Variants in CACNA1C observed in about 807,000 individuals in gnomAD.
The protein encoded by CACNA1C is calcium voltage-gated channel subunit alpha1 C.
Under a neutral mutation model 229.0 loss-of-function variants are expected in CACNA1C, and 30 were observed. That is an observed-to-expected ratio of 0.13 (90% CI 0.10 to 0.18). The LOEUF is 0.18. CACNA1C is among the 10% of genes least tolerant of loss of function. The pLI is 1.00. For missense variants in CACNA1C, 1,658 were observed against 2,845.0 expected (o/e 0.58, Z 9.49); for synonymous variants, 1,114 against 1,132.5 (o/e 0.98, Z 0.33).
chr12:2,178,471 A>G (rs1326073995), intron 3 of CACNA1C, among the ~76,000 whole-genome samples: 1 of 152,218 alleles, frequency 6.6e-6, no homozygotes, highest in Non-Finnish European at 1.5e-5. Context: ...AAGGCTTGCT[A>G]CAGGATCTGA....
At chr12:2,301,446 A>G (rs1389851302) in intron 3 of CACNA1C, among the ~76,000 whole-genome samples, 1 of 152,166 alleles carries the variant, frequency 6.6e-6, no homozygotes, top group Non-Finnish European at 1.5e-5. Flanking sequence ...CTGATCCGTG[A>G]TTTGCCCCGG....
rs1207579677 is a variant in CACNA1C, at chr12:2,575,485, A to G, written c.1896-6105A>G. Reference sequence around the variant, plus strand: ...ACCCCCTCCTGTGCTCACTTGCTGGATGGATTCTACCTGCTTCCCCAGGTG... The same window carrying G: ...ACCCCCTCCTGTGCTCACTTGCTGGGTGGATTCTACCTGCTTCCCCAGGTG... On this transcript the variant is annotated intron_variant, in intron 13 of 46. Transcript: ENST00000399655. The surrounding 1 kb of genome is among the most constrained non-coding windows in gnomAD (Gnocchi z 4.0). 1.3e-5 allele frequency among the ~76,000 whole-genome samples: 2 copies of G among 152,106 alleles called. No individual in the cohort carries two copies.
intron 39 of CACNA1C, chr12:2,676,425 C>G (rs1203950237): frequency 1.3e-5 from 2 of 152,298 alleles, no homozygotes; most frequent in Non-Finnish European, 2.9e-5. Flanking sequence ...GGGGCTCCTC[C>G]CCAGGCATGA....
At chr12:2,202,561 A>T (rs1164584488) in intron 3 of CACNA1C, among the ~76,000 whole-genome samples, 1 of 152,130 alleles carries the variant, frequency 6.6e-6, no homozygotes, top group Non-Finnish European at 1.5e-5. Context: ...GTTTTGGGGG[A>T]TGAGGACCTT....
intron 3 of CACNA1C, among the ~76,000 whole-genome samples, chr12:2,269,343 G>C (rs2083775354): frequency 6.6e-6 from 1 of 152,168 alleles, no homozygotes; most frequent in African/African-American, 2.4e-5. Flanking sequence ...AAGGGGATGG[G>C]CTCAATGAAC....
chr12:2,367,466 G>A (rs1451929949), intron 3 of CACNA1C, among the ~76,000 whole-genome samples: 3 of 152,128 alleles, frequency 2.0e-5, no homozygotes, highest in South Asian at 4.1e-4. Flanking sequence ...AGGGTTGAAC[G>A]TTTAACTATG....
intron 1 of CACNA1C, among the ~76,000 whole-genome samples, chr12:2,082,205 C>T (rs2065904850): frequency 6.6e-6 from 1 of 152,176 alleles, no homozygotes; most frequent in Non-Finnish European, 1.5e-5. Flanking sequence ...CTAACTCAGG[C>T]CTGTCTAGCC....
chr12:2,257,282 G>A lies in CACNA1C; in HGVS notation c.477+136852G>A, dbSNP rs542080232. Among the ~76,000 whole-genome samples, 8 of 152,334 alleles carry A rather than the reference G, an allele frequency of 5.3e-5. No homozygotes were observed. The South Asian group carries it at 1.7e-3, about 32-fold the overall frequency. ...AGGTTGAGAAATGTAGTCCAGCTGA[G>A]TACCCTGGAGGACGGGACCAGGCTG... On this transcript the variant is annotated intron_variant, in intron 3 of 46. Transcript: ENST00000399655.
At chr12:2,144,457 G>A (rs1239455723) in intron 3 of CACNA1C, among the ~76,000 whole-genome samples, 2 of 151,128 alleles carry the variant, frequency 1.3e-5, no homozygotes, top group African/African-American at 4.8e-5. Flanking sequence ...ATTACCTATC[G>A]AGCACCTATC....
chr12:2,098,874 G>A (rs942087306), intron 1 of CACNA1C, among the ~76,000 whole-genome samples: 25 of 152,304 alleles, frequency 1.6e-4, no homozygotes, highest in African/African-American at 6.0e-4. Flanking sequence ...CTTCACCATT[G>A]TTCTGTGAGG....
chr12:2,158,981 G>C (rs1187065415), intron 3 of CACNA1C, among the ~76,000 whole-genome samples: 2 of 152,148 alleles, frequency 1.3e-5, no homozygotes, highest in Non-Finnish European at 2.9e-5. Context: ...AGAGGTGAAA[G>C]AGGGCTAAAC....
intron 13 of CACNA1C, among the ~76,000 whole-genome samples, chr12:2,572,805 C>G (rs2056651890): frequency 7.6e-6 from 1 of 131,908 alleles, no homozygotes; most frequent in African/African-American, 2.9e-5. Context: ...CTCCTCTCCT[C>G]CTTCTCCTCT....
chr12:2,593,445 C>A (rs980281823), intron 19 of CACNA1C, 100 bp downstream of exon 19: 4 of 1,221,614 alleles, frequency 3.3e-6, no homozygotes, highest in Non-Finnish European at 4.6e-6. Flanking sequence ...GACTGAGACT[C>A]TCCCAGCTCC....
chr12:2,286,209 C>T (rs1002401801), intron 3 of CACNA1C, among the ~76,000 whole-genome samples: 13 of 152,224 alleles, frequency 8.5e-5, no homozygotes, highest in Non-Finnish European at 1.9e-4. Context: ...GACTGGCCTG[C>T]TTGACCTTCC....
At chr12:2,207,152 T>C (rs1367286712) in intron 3 of CACNA1C, among the ~76,000 whole-genome samples, 1 of 152,210 alleles carries the variant, frequency 6.6e-6, no homozygotes, top group African/African-American at 2.4e-5. Flanking sequence ...GCATCTTGGC[T>C]ACATGTGTTG....
chr12:2,006,332 C>T (rs1384106818), intron 1 of CACNA1C, among the ~76,000 whole-genome samples: 1 of 152,044 alleles, frequency 6.6e-6, no homozygotes, highest in Admixed American at 6.6e-5. Context: ...CGCTTGAACC[C>T]GGGAGGCAGA....
At chr12:2,059,132 G>C (rs1179003920) in intron 1 of CACNA1C, among the ~76,000 whole-genome samples, 1 of 152,154 alleles carries the variant, frequency 6.6e-6, no homozygotes, top group Non-Finnish European at 1.5e-5. Flanking sequence ...TGTGTGTACC[G>C]TGTGGGCAGG....
intron 1 of CACNA1C, among the ~76,000 whole-genome samples, chr12:2,008,672 G>A (rs574793610): frequency 6.6e-6 from 1 of 152,252 alleles, no homozygotes; most frequent in South Asian, 2.1e-4. Context: ...TGTTCTCTCA[G>A]ATTTTATATT....
intron 3 of CACNA1C, among the ~76,000 whole-genome samples, chr12:2,350,374 T>G (rs1002676767): frequency 6.6e-6 from 1 of 152,194 alleles, no homozygotes; most frequent in Admixed American, 6.5e-5. Flanking sequence ...CTCTCCCATT[T>G]TACAGATGAG....
Sources: gnomAD v4.1 joint callset for allele counts (sites outside exome capture counted in the v4.1 genomes callset) on GRCh38, gnomAD v4.1.1 for gene constraint, Gnocchi (gnomAD v3.1) non-coding constraint, MANE v1.5 for transcripts, NCBI Gene and HGNC (gene_info 2026-07-23, HGNC 2026-07-21) for gene names.